Variants in ACBD6 observed in about 807,000 individuals in gnomAD.
ACBD6 encodes the protein acyl-CoA-binding domain-containing protein 6.
A neutral mutation model predicts 37.2 loss-of-function variants in ACBD6; 28 were observed. The observed-to-expected ratio is 0.75, with a 90% CI of 0.56 to 1.03. The LOEUF (loss-of-function observed/expected upper bound fraction) is 1.03. ACBD6 is among the 50% of genes least tolerant of loss of function. The pLI is 0.00. For missense variants in ACBD6, 340 were observed against 337.4 expected, an observed-to-expected ratio of 1.01 and a Z score of -0.06; for synonymous variants, 113 against 126.8, an observed-to-expected ratio of 0.89 and a Z score of 0.73.
intron 9 of ACBD6, chr1:180,275,977 C>T (rs746272291): frequency 6.6e-6 from 1 of 152,236 alleles, no homozygotes; most frequent in Non-Finnish European, 1.5e-5. Context: ...AAACGCTGTC[C>T]TGAATGGTGC....
intron 9 of ACBD6, among the ~76,000 whole-genome samples, chr1:180,280,240 G>T (rs1043761026): frequency 2.0e-5 from 3 of 152,104 alleles, no homozygotes; most frequent in Non-Finnish European, 4.4e-5. Context: ...TGGAATACTT[G>T]GTGAAATATT....
Position 180,390,517 on chromosome 1 carries a change from T to A in ACBD6, c.663+6999A>T, listed in dbSNP as rs547464834. ...TTTTGGTTCCATATGAACTTTAAAG[T>A]AGGTTTTCCCAATTCTGTGAAGAAA... is the stretch of plus-strand genomic sequence containing the variant. On this transcript the variant is annotated intron_variant, in intron 6 of 7. Transcript: ENST00000367595. Among the ~76,000 whole-genome samples the A allele has an allele frequency of 3.3e-5, 5 of 152,274 alleles. No individual in the cohort carries two copies. In the East Asian group the frequency reaches 9.6e-4, roughly 29 times the overall value.
Position 180,288,280 on chromosome 1 carries a change from T to C in ACBD6, c.*83A>G, listed in dbSNP as rs2149276636. On this transcript the variant is annotated 3_prime_UTR_variant, in exon 8 of 8. Transcript: ENST00000367595. ...TTAGCCAATACATACCAAAGACGGG[T>C]GGAAAAGAAGTATTATTTTTGTAGT... 1.3e-6 allele frequency: 2 copies of C among 1,584,256 alleles called. No individual in the cohort carries two copies. Among genetic ancestry groups the C allele is most frequent in the South Asian group, 1.1e-5 (1 of 88,764 alleles).
At chr1:180,328,769 T>C (rs1347732285) in intron 6 of ACBD6, among the ~76,000 whole-genome samples, 1 of 152,136 alleles carries the variant, frequency 6.6e-6, no homozygotes, top group African/African-American at 2.4e-5. Flanking sequence ...TCTCTCCTTA[T>C]GAGATCTGTG....
intron 3 of ACBD6, among the ~76,000 whole-genome samples, chr1:180,432,146 G>A (rs549789551): frequency 2.0e-5 from 3 of 151,746 alleles, no homozygotes; most frequent in Admixed American, 6.6e-5. Context: ...TGCAGAAGCT[G>A]CAGTGAGCCA....
chr1:180,462,366 T>G (rs975035502), intron 3 of ACBD6, among the ~76,000 whole-genome samples: 1 of 152,172 alleles, frequency 6.6e-6, no homozygotes, highest in African/African-American at 2.4e-5. Context: ...ATGACTCACA[T>G]AGGCTCAAAA....
At chr1:180,349,077 A>G (rs570781813) in intron 6 of ACBD6, among the ~76,000 whole-genome samples, 1 of 151,940 alleles carries the variant, frequency 6.6e-6, no homozygotes, top group Non-Finnish European at 1.5e-5. Flanking sequence ...ATGTTGCGAG[A>G]GCAGTATCAC....
intron 6 of ACBD6, among the ~76,000 whole-genome samples, chr1:180,379,347 C>T (rs1026090208): frequency 5.3e-5 from 8 of 152,062 alleles, no homozygotes; most frequent in African/African-American, 1.9e-4. Context: ...CATGAAAAAG[C>T]AAAGGAATAT....
chr1:180,378,872 C>T (rs890329977), intron 6 of ACBD6, among the ~76,000 whole-genome samples: 26 of 152,274 alleles, frequency 1.7e-4, no homozygotes, highest in Middle Eastern at 3.4e-3. Flanking sequence ...TGCTTGGGTC[C>T]CAGAGGGTTG....
intron 7 of ACBD6, among the ~76,000 whole-genome samples, chr1:180,311,925 A>G (rs538594433): frequency 6.6e-6 from 1 of 152,236 alleles, no homozygotes; most frequent in South Asian, 2.1e-4. Context: ...ACAAGGGAGC[A>G]TATCAGTGGA....
chr1:180,339,657 T>C (rs898136849), intron 6 of ACBD6, among the ~76,000 whole-genome samples: 3 of 152,026 alleles, frequency 2.0e-5, no homozygotes, highest in Non-Finnish European at 4.4e-5. Context: ...GTTGTGCACA[T>C]GCACCCTAAA....
At position 180,413,332 on chromosome 1, in the gene ACBD6, T is replaced by C. The variant is rs74132812; in HGVS notation, c.573+34A>G. The C allele has an allele frequency of 1.3e-3, 1,969 of 1,542,226 alleles. 29 individuals carry two copies. The African/African-American group carries it at 0.023, about 18-fold the overall frequency. On this transcript the variant is annotated intron_variant, in intron 5 of 7. Coordinates refer to ENST00000367595, the MANE Select transcript of ACBD6 (RefSeq NM_032360.4). ...GGCACTGGGGCAGAACAACCATGCA[T>C]AGGAAAATAATTAACAGGGCATGTT... is the stretch of plus-strand genomic sequence containing the variant.
intron 6 of ACBD6, among the ~76,000 whole-genome samples, chr1:180,348,016 A>T (rs1279198842): frequency 6.6e-6 from 1 of 152,104 alleles, no homozygotes; most frequent in Non-Finnish European, 1.5e-5. Flanking sequence ...TCTCTCTCTT[A>T]GGCATTTCCA....
intron 7 of ACBD6, among the ~76,000 whole-genome samples, chr1:180,297,848 C>T (rs1415407819): frequency 1.3e-5 from 2 of 152,210 alleles, no homozygotes; most frequent in African/African-American, 4.8e-5. Flanking sequence ...TCGAGCGATT[C>T]TCCTGCCTCA....
intron 3 of ACBD6, among the ~76,000 whole-genome samples, chr1:180,465,039 G>T (rs1650294502): frequency 6.6e-6 from 1 of 152,066 alleles, no homozygotes; most frequent in African/African-American, 2.4e-5. Flanking sequence ...ATTCAAGATG[G>T]ATTAAAAACT....
chr1:180,487,380 A>T (rs768583140), intron 3 of ACBD6, among the ~76,000 whole-genome samples: 4 of 152,206 alleles, frequency 2.6e-5, no homozygotes, highest in Non-Finnish European at 5.9e-5. Context: ...CATTCTGGGC[A>T]GTGTGATGAA....
chr1:180,286,736 C>A (rs1188404138), downstream of ACBD6, among the ~76,000 whole-genome samples: 1 of 152,120 alleles, frequency 6.6e-6, no homozygotes. Flanking sequence ...AAAAATGAAT[C>A]ATCTTGGTGA....
intron 6 of ACBD6, among the ~76,000 whole-genome samples, chr1:180,349,045 G>GT (rs112736988): frequency 0.071 from 10,756 of 151,622 alleles, 917 homozygotes; most frequent in East Asian, 0.3. Flanking sequence ...TTTTTCCTGA[G>GT]TTTTTTTTAA....
At chr1:180,286,718 ATT>A (rs1157664546), downstream of ACBD6, among the ~76,000 whole-genome samples, 8 of 152,148 alleles carry the variant, frequency 5.3e-5, no homozygotes, top group African/African-American at 1.7e-4. Flanking sequence ...GATTAATTAA[ATT>A]ATTTCAAAAA....
Sources: allele counts gnomAD v4.1 joint callset (sites outside exome capture counted in the v4.1 genomes callset), GRCh38; gene constraint gnomAD v4.1.1; transcripts MANE v1.5; gene names NCBI Gene and HGNC (gene_info 2026-07-23, HGNC 2026-07-21).